Variants in ZNF718 observed in about 807,000 individuals in gnomAD.
The protein encoded by ZNF718 is zinc finger protein 718.
Under a neutral mutation model 2.6 loss-of-function variants are expected in ZNF718, and 3 were observed. That is an observed-to-expected ratio of 1.16 (90% CI 0.53 to 3.01). The LOEUF is 3.01. Ranked by LOEUF, ZNF718 falls within the 30% of genes most tolerant of loss-of-function variation. ZNF718 has a pLI of 0.03. For synonymous variants in ZNF718, 135 were observed against 77.9 expected (o/e 1.73, Z -3.86); for missense variants, 468 against 230.0 (o/e 2.03, Z -6.69).
chr4:140,685 T>C (rs782160797), intron 3 of ZNF718, among the ~76,000 whole-genome samples: 18 of 152,338 alleles, frequency 1.2e-4, no homozygotes, highest in Non-Finnish European at 2.1e-4. Context: ...TGCTATCTCA[T>C]GGCTAAGGTT....
downstream of ZNF718, among the ~76,000 whole-genome samples, chr4:167,868 C>T (rs1357885827): frequency 6.6e-6 from 1 of 152,068 alleles, no homozygotes; most frequent in Non-Finnish European, 1.5e-5. Flanking sequence ...ATTGCCCTGG[C>T]CAGAACTTCC....
chr4:157,141 C>G (rs1490485799), intron 3 of ZNF718, among the ~76,000 whole-genome samples: 8 of 127,190 alleles, frequency 6.3e-5, no homozygotes, highest in Non-Finnish European at 1.3e-4. Flanking sequence ...TCAGACAGTT[C>G]CACACTTGTT....
At chr4:141,592 T>C (rs1183912704) in intron 3 of ZNF718, among the ~76,000 whole-genome samples, 2 of 152,216 alleles carry the variant, frequency 1.3e-5, no homozygotes, top group African/African-American at 4.8e-5. Context: ...TTATTTGACA[T>C]GTTTGGGTAC....
chr4:197,095 T>A (rs1253178485), intron 3 of ZNF718, among the ~76,000 whole-genome samples: 1 of 139,550 alleles, frequency 7.2e-6, no homozygotes, highest in Non-Finnish European at 1.6e-5. Flanking sequence ...TTTAAGCATG[T>A]ACTTCAAGAA....
At chr4:164,932 T>C (rs1267050608), downstream of ZNF718, among the ~76,000 whole-genome samples, 1 of 152,186 alleles carries the variant, frequency 6.6e-6, no homozygotes, top group Non-Finnish European at 1.5e-5. Context: ...TAGGTCCAAG[T>C]AAGAGATTGA....
intron 3 of ZNF718, among the ~76,000 whole-genome samples, chr4:174,766 A>G (rs1717315349): frequency 6.6e-6 from 1 of 152,198 alleles, no homozygotes; most frequent in Non-Finnish European, 1.5e-5. Flanking sequence ...GGCCCTTCTC[A>G]AATAAATTAT....
At chr4:142,235 T>A (rs1378302324) in intron 3 of ZNF718, among the ~76,000 whole-genome samples, 4 of 152,204 alleles carry the variant, frequency 2.6e-5, no homozygotes, top group African/African-American at 9.6e-5. Flanking sequence ...AATTAAAACT[T>A]CTATCATAAA....
intron 3 of ZNF718, among the ~76,000 whole-genome samples, chr4:144,091 G>T (rs550506572): frequency 1.6e-4 from 24 of 152,180 alleles, no homozygotes; most frequent in Middle Eastern, 3.4e-3. Flanking sequence ...CTCCATTTAC[G>T]TTGGGCATAC....
intron 3 of ZNF718, among the ~76,000 whole-genome samples, chr4:195,664 A>G (rs1323968450): frequency 6.6e-6 from 1 of 151,612 alleles, no homozygotes; most frequent in Non-Finnish European, 1.5e-5. Flanking sequence ...TTATTTTTTT[A>G]CTATCTTCTG....
chr4:149,961 G>T (rs782589109), intron 3 of ZNF718: 6 of 151,942 alleles, frequency 3.9e-5, no homozygotes, highest in Non-Finnish European at 8.8e-5. Context: ...ATATTGCAAT[G>T]GGTGTCTAGA....
intron 3 of ZNF718, among the ~76,000 whole-genome samples, chr4:154,583 C>G (rs930809578): frequency 1.3e-5 from 2 of 152,172 alleles, no homozygotes; most frequent in African/African-American, 2.4e-5. Flanking sequence ...TGCTCCTGCA[C>G]TAGAGATCTG....
downstream of ZNF718, among the ~76,000 whole-genome samples, chr4:165,660 G>C: frequency 6.6e-6 from 1 of 152,134 alleles, no homozygotes; most frequent in East Asian, 1.9e-4. Flanking sequence ...TTAGCCAGTT[G>C]TGATGGTGGG....
chr4:131,904 G>A lies in ZNF718; in HGVS notation c.226+399G>A, dbSNP rs1436345910. Among the ~76,000 whole-genome samples the A allele has an allele frequency of 5.9e-5, 6 of 101,486 alleles. 1 individual carries two copies. Among genetic ancestry groups the A allele is most frequent in the African/African-American group, 1.7e-4 (5 of 29,072 alleles). 66.6% of individuals were successfully genotyped at this position (101,486 alleles called of 152,430 possible). A position where few individuals can be genotyped will look rare whatever the true frequency, so the allele number is the denominator to read the frequency against. ...ACTAAAAATACAAAAAATTAGCCGG[G>A]TGTGGTGGCGGGCGCCTGTAGTCCC... is the stretch of plus-strand genomic sequence containing the variant. On this transcript the variant is annotated intron_variant, in intron 3 of 3. Coordinates refer to ENST00000510175, the MANE Select transcript of ZNF718 (RefSeq NM_001039127.6).
At chr4:153,568 T>G (rs530616040) in intron 3 of ZNF718, among the ~76,000 whole-genome samples, 23 of 152,338 alleles carry the variant, frequency 1.5e-4, no homozygotes, top group African/African-American at 5.1e-4. Flanking sequence ...GTTTTTCATA[T>G]TTTTATCAAT....
At chr4:127,645 T>A (rs1322162318) in intron 1 of ZNF718, among the ~76,000 whole-genome samples, 1 of 105,350 alleles carries the variant, frequency 9.5e-6, no homozygotes, top group Non-Finnish European at 2.1e-5. Context: ...AAATACATGT[T>A]CTTTTAATGA....
intron 3 of ZNF718, among the ~76,000 whole-genome samples, chr4:170,320 T>C (rs1319459611): frequency 2.0e-5 from 3 of 152,196 alleles, no homozygotes; most frequent in East Asian, 1.9e-4. Flanking sequence ...CTGACAATTA[T>C]GTGTCTTGGA....
At chr4:200,731 A>G (rs1267892352) in intron 3 of ZNF718, among the ~76,000 whole-genome samples, 1 of 152,214 alleles carries the variant, frequency 6.6e-6, no homozygotes, top group African/African-American at 2.4e-5. Flanking sequence ...TTCAAAGGAT[A>G]AAAGGCAAAT....
intron 3 of ZNF718, among the ~76,000 whole-genome samples, chr4:137,320 C>T (rs1715613128): frequency 1.3e-5 from 2 of 151,974 alleles, no homozygotes; most frequent in Non-Finnish European, 2.9e-5. Context: ...CTGCAGTAAA[C>T]ATGGATGTGC....
intron 3 of ZNF718, among the ~76,000 whole-genome samples, chr4:141,060 G>C (rs571394755): frequency 1.3e-5 from 2 of 152,292 alleles, no homozygotes. Context: ...TAAAGTTGCG[G>C]AATTGTCCAT....
Sources: gnomAD v4.1 joint callset for allele counts (sites outside exome capture counted in the v4.1 genomes callset) on GRCh38, gnomAD v4.1.1 for gene constraint, MANE v1.5 for transcripts, NCBI Gene and HGNC (gene_info 2026-07-23, HGNC 2026-07-21) for gene names.